PRDM16: variants seen among roughly 807,000 people sequenced by gnomAD.
PRDM16 encodes histone-lysine N-methyltransferase PRDM16.
A neutral mutation model predicts 110.6 loss-of-function variants in PRDM16; 23 were observed. The ratio of observed to expected loss-of-function variants is 0.21; its 90% CI spans 0.15 to 0.29. The LOEUF (loss-of-function observed/expected upper bound fraction) is 0.29, where lower values mean the gene tolerates loss of function less well. Ranked by LOEUF, PRDM16 falls within the 10% of genes least tolerant of loss-of-function variation. The pLI is 1.00. For missense variants in PRDM16, 1,615 were observed against 1,794.3 expected, an observed-to-expected ratio of 0.90 and a Z score of 1.81; for synonymous variants, 799 against 781.8, an observed-to-expected ratio of 1.02 and a Z score of -0.37.
At chr1:3,364,387 C>T (rs1469564482) in intron 3 of PRDM16, among the ~76,000 whole-genome samples, 1 of 152,162 alleles carries the variant, frequency 6.6e-6, no homozygotes, top group Non-Finnish European at 1.5e-5. Flanking sequence ...ATTTACAAAC[C>T]CAAAAGTGCC....
At chr1:3,396,885 C>T (rs1168946406) in intron 5 of PRDM16, among the ~76,000 whole-genome samples, 1 of 152,198 alleles carries the variant, frequency 6.6e-6, no homozygotes, top group East Asian at 1.9e-4. Context: ...AACTGGTATC[C>T]AGTGGATTAT....
At position 3,358,108 on chromosome 1, in the gene PRDM16, C is replaced by T. The variant is rs1483607975; in HGVS notation, c.439-27044C>T. On this transcript the variant is annotated intron_variant, in intron 3 of 16. Transcript: ENST00000270722. The surrounding 1 kb of genome is among the most constrained non-coding windows in gnomAD (Gnocchi z 4.0). ...CCTGGCCTCACGCGTGGGTCCATCC[C>T]GGAACCACACAGTGGGCCTGGCCAT... 2.6e-5 allele frequency among the ~76,000 whole-genome samples: 4 copies of T among 152,206 alleles called. No individual in the cohort carries two copies. The highest frequency in any genetic ancestry group is 2.1e-4 in the South Asian group (1 of 4,836).
At chr1:3,086,233 T>C (rs1233906794) in intron 1 of PRDM16, among the ~76,000 whole-genome samples, 1 of 151,988 alleles carries the variant, frequency 6.6e-6, no homozygotes, top group Non-Finnish European at 1.5e-5. Flanking sequence ...AACCATAAGG[T>C]GCTTGCCTGG....
rs925564461 is a variant in PRDM16 at position 3,244,316 on chromosome 1, A to T, written c.438+179A>T. On this transcript the variant is annotated intron_variant, in intron 3 of 16. Coordinates refer to ENST00000270722, the MANE Select transcript of PRDM16 (RefSeq NM_022114.4). This position sits in a 1 kb window ranked among gnomAD's most constrained non-coding sequence, Gnocchi z 4.1. ...TGCACAGGACGGTGGCTTTGCTGTC[A>T]TTAGGAGGGATGGGGAGGTGGGGGT... Among the ~76,000 whole-genome samples the T allele has an allele frequency of 6.6e-6, 1 of 152,010 alleles. No individual in the cohort carries two copies. The highest frequency in any genetic ancestry group is 2.1e-4 in the South Asian group (1 of 4,824).
chr1:3,396,169 C>G, intron 4 of PRDM16: 1 of 427,134 alleles, frequency 2.3e-6, no homozygotes, highest in Non-Finnish European at 4.5e-6. Context: ...AGAACCCACC[C>G]AGGTGGGCTC....
At chr1:3,221,236 C>G (rs1639144061) in intron 2 of PRDM16, among the ~76,000 whole-genome samples, 1 of 152,238 alleles carries the variant, frequency 6.6e-6, no homozygotes, top group African/African-American at 2.4e-5. Flanking sequence ...TTCAGGGAAA[C>G]AGTCTCTAGA....
chr1:3,172,854 G>T (rs1644041609), intron 1 of PRDM16, among the ~76,000 whole-genome samples: 1 of 152,224 alleles, frequency 6.6e-6, no homozygotes, highest in African/African-American at 2.4e-5. Context: ...TTCTGGAGAT[G>T]GGTGGTGGTG....
At chr1:3,377,446 T>G (rs528542711) in intron 3 of PRDM16, among the ~76,000 whole-genome samples, 2 of 152,182 alleles carry the variant, frequency 1.3e-5, no homozygotes, top group Non-Finnish European at 2.9e-5. Flanking sequence ...AAATTAGAAG[T>G]GCAGGAAACC....
intron 1 of PRDM16, among the ~76,000 whole-genome samples, chr1:3,078,147 C>G (rs944009294): frequency 5.3e-5 from 8 of 152,176 alleles, no homozygotes; most frequent in African/African-American, 1.9e-4. Context: ...AAGTTCCATT[C>G]CCATCCGTCC....
chr1:3,118,753 G>C (rs899238645), intron 1 of PRDM16, among the ~76,000 whole-genome samples: 1 of 152,160 alleles, frequency 6.6e-6, no homozygotes, highest in Non-Finnish European at 1.5e-5. Flanking sequence ...AGTCCAGGGA[G>C]ACCCCAGCTG....
rs750388478 is a variant in PRDM16 at position 3,433,746 on chromosome 1, G to T, written c.3766G>T (p.Ala1256Ser). 1.9e-6 allele frequency: 3 copies of T among 1,613,948 alleles called. No homozygotes were observed. The highest frequency in any genetic ancestry group is 1.7e-6 in the Non-Finnish European group (2 of 1,179,920). Residue 1256 changes from alanine (A) to serine (S), a missense_variant, in exon 17 of 17, where the codon GCT (alanine) becomes TCT (serine). Physicochemically the swap from Ala to Ser is moderately conservative, Grantham distance 99. Coordinates refer to ENST00000270722, the MANE Select transcript of PRDM16 (RefSeq NM_022114.4). ...LHTPSQGSLD[A>S]WLKVTGATSE... ...CACCCCCTCCCAGGGTTCTCTGGAC[G>T]CTTGGTTGAAGGTCACTGGAGCCAC...
At chr1:3,240,056 A>AAGAGGAGAGGAGAGGAGGAGAGG (rs1639629815) in intron 2 of PRDM16, among the ~76,000 whole-genome samples, 2 of 103,398 alleles carry the variant, frequency 1.9e-5, no homozygotes, top group African/African-American at 8.2e-5. Flanking sequence ...AGGAGAGGAG[A>AAGAGGAGAGGAGAGGAGGAGAGG]AGAGGAGAGG....
chr1:3,136,471 T>A (rs961248501), intron 1 of PRDM16, among the ~76,000 whole-genome samples: 3 of 152,168 alleles, frequency 2.0e-5, no homozygotes, highest in Non-Finnish European at 4.4e-5. Context: ...CGTGTCACAG[T>A]GTCACTGTTT....
At chr1:3,381,541 C>T (rs1277426017) in intron 3 of PRDM16, among the ~76,000 whole-genome samples, 1 of 151,956 alleles carries the variant, frequency 6.6e-6, no homozygotes. Context: ...TAGCTGCATA[C>T]CACCACACCC....
intron 1 of PRDM16, among the ~76,000 whole-genome samples, chr1:3,181,753 C>CACGGAGTCTTACACACGGAGTCTT (rs1369744569): frequency 5.2e-5 from 7 of 135,252 alleles, no homozygotes; most frequent in Admixed American, 2.3e-4. Context: ...GAGTCTTACA[C>CACGGAGTCTTACACACGGAGTCTT]ACGGTCTTAC....
At chr1:3,406,785 C>T (rs1248070419) in intron 8 of PRDM16, among the ~76,000 whole-genome samples, 2 of 152,122 alleles carry the variant, frequency 1.3e-5, no homozygotes, top group Admixed American at 1.3e-4. Flanking sequence ...TCACCAGGGC[C>T]GGGTCCAAGG....
intron 3 of PRDM16, among the ~76,000 whole-genome samples, chr1:3,383,593 C>T (rs2368592): frequency 6.6e-6 from 1 of 152,130 alleles, no homozygotes; most frequent in African/African-American, 2.4e-5. Flanking sequence ...AAAAGAATTC[C>T]AGCACCAGGC....
In PRDM16 at chr1:3,409,844, G is replaced by GTA. The variant is rs1372714588; in HGVS notation, c.1187-1539_1187-1538insAT. ...GTGTGGTTGTGTGTGGGTGTGTGGT[G>GTA]TGGGTGTGTGTGTGGTGTTTGTGTG... On this transcript the variant is annotated intron_variant, in intron 8 of 16. Transcript: ENST00000270722. Among the ~76,000 whole-genome samples, 400 of 143,792 alleles carry GTA rather than the reference G, an allele frequency of 2.8e-3. 1 individual carries two copies. The highest frequency in any genetic ancestry group is 0.024 in the East Asian group (108 of 4,574). 94.3% of individuals were successfully genotyped at this position (143,792 alleles called of 152,430 possible).
chr1:3,178,225 C>T (rs188793005), intron 1 of PRDM16, among the ~76,000 whole-genome samples: 7 of 152,326 alleles, frequency 4.6e-5, no homozygotes, highest in Non-Finnish European at 1.0e-4. Flanking sequence ...TGAGAGAAAG[C>T]AGTTGCAGGG....
Sources: gnomAD v4.1 joint callset for allele counts (sites outside exome capture counted in the v4.1 genomes callset) on GRCh38, gnomAD v4.1.1 for gene constraint, Gnocchi (gnomAD v3.1) non-coding constraint, MANE v1.5 for transcripts, NCBI Gene and HGNC (gene_info 2026-07-23, HGNC 2026-07-21) for gene names.